The following XYLB variants were observed in gnomAD, a reference collection of about 807,000 sequenced individuals.
The protein encoded by XYLB is xylulose kinase.
Under a neutral mutation model 78.7 loss-of-function variants are expected in XYLB, and 62 were observed. That is an observed-to-expected ratio of 0.79 (90% CI 0.64 to 0.97). The LOEUF (loss-of-function observed/expected upper bound fraction) is 0.97, where lower values mean the gene tolerates loss of function less well. XYLB is among the 50% of genes least tolerant of loss of function. The probability of loss-of-function intolerance (pLI) is 0.00; values close to 1 mark genes in which losing one functional copy is unlikely to be tolerated. For missense variants in XYLB, 687 were observed against 676.8 expected (o/e 1.02, Z -0.17); for synonymous variants, 245 against 247.4 (o/e 0.99, Z 0.09).
At chr3:38,350,559 TTTC>T (rs1161297559) in intron 2 of XYLB, among the ~76,000 whole-genome samples, 2 of 152,142 alleles carry the variant, frequency 1.3e-5, no homozygotes, top group African/African-American at 4.8e-5. Flanking sequence ...CCCCTGTTGT[TTTC>T]TTCAAGTTGT....
At chr3:38,445,379 GTCATGAA>G in the XYLB span, among the ~76,000 whole-genome samples, 5 of 152,176 alleles carry the variant, frequency 3.3e-5, no homozygotes, top group African/African-American at 1.2e-4. Flanking sequence ...AGGGAACAGA[GTCATGAA>G]ATTTATACTA....
At chr3:38,381,811 A>G (rs1041951815) in intron 15 of XYLB, among the ~76,000 whole-genome samples, 1 of 152,218 alleles carries the variant, frequency 6.6e-6, no homozygotes, top group Admixed American at 6.5e-5. Flanking sequence ...ACCAATGACA[A>G]TGGTGCCCGA....
intron 7 of XYLB, among the ~76,000 whole-genome samples, 190 bp from the exon 8 acceptor site, chr3:38,367,995 C>A (rs546521054): frequency 6.6e-6 from 1 of 152,254 alleles, no homozygotes; most frequent in Non-Finnish European, 1.5e-5. Flanking sequence ...AATGCTCTCC[C>A]GAGGAGTCTG....
At chr3:38,351,189 A>G in intron 2 of XYLB, among the ~76,000 whole-genome samples, 1 of 148,796 alleles carries the variant, frequency 6.7e-6, no homozygotes, top group Non-Finnish European at 1.5e-5. Context: ...AAAAAAAAAA[A>G]AAAAAAAAAA....
At chr3:38,363,606 C>A (rs1706092102) in intron 4 of XYLB, among the ~76,000 whole-genome samples, 1 of 152,216 alleles carries the variant, frequency 6.6e-6, no homozygotes, top group South Asian at 2.1e-4. Flanking sequence ...CAGGCAGTGA[C>A]CTGGGATACG....
chr3:38,434,015 A>G, the XYLB span, among the ~76,000 whole-genome samples: 4 of 152,188 alleles, frequency 2.6e-5, no homozygotes, highest in Non-Finnish European at 5.9e-5. Context: ...ACTTACAATC[A>G]TGATAGAAGA....
chr3:38,407,186 C>T (rs196368), intron 18 of XYLB, among the ~76,000 whole-genome samples: 4,630 of 148,838 alleles, frequency 0.031, 96 homozygotes, highest in Non-Finnish European at 0.05. Context: ...GCGGATCTCT[C>T]GGCAGAAACT....
In XYLB at chr3:38,366,766, G is replaced by A. The variant is rs370070465; in HGVS notation, c.508-42G>A. The A allele has an allele frequency of 3.2e-5, 42 of 1,326,272 alleles. No homozygotes were observed. In the East Asian group the frequency reaches 5.5e-4, roughly 17 times the overall value. The allele number at this position is 1,326,272 out of a possible 1,614,324, so 82.2% of individuals were successfully genotyped here. ...CTTTGTGGAGGTAATTGTTCATTCT[G>A]TGTAGGATTTGGGTTCCTAAGAATT... On this transcript the variant is annotated intron_variant, in intron 6 of 18. Coordinates refer to ENST00000207870, the MANE Select transcript of XYLB (RefSeq NM_005108.4).
chr3:38,439,646 C>A, the XYLB span, among the ~76,000 whole-genome samples: 1 of 152,010 alleles, frequency 6.6e-6, no homozygotes, highest in African/African-American at 2.4e-5. Context: ...CCTGTAGTCC[C>A]AGCTACTCGG....
At chr3:38,354,113 G>A (rs151192686) in intron 2 of XYLB, among the ~76,000 whole-genome samples, 1 of 151,730 alleles carries the variant, frequency 6.6e-6, no homozygotes, top group East Asian at 2.0e-4. Context: ...TCGCTCTGTC[G>A]CCCAGGCTGG....
At position 38,368,210 on chromosome 3, in the gene XYLB, C is replaced by T; in HGVS notation, c.599C>T (p.Ala200Val). 6.2e-7 allele frequency: 1 copy of T among 1,614,138 alleles called. No homozygotes were observed. The highest frequency in any genetic ancestry group is 8.5e-7 in the Non-Finnish European group (1 of 1,180,008). ...AGAATTTCTTTGGTCAGTAGCTTTG[C>T]TGCTTCCCTGTTCCTTGGCTCTTAC... ...TERISLVSSFAASLFLGSYSP... is the reference protein window; with the variant it reads ...TERISLVSSFVASLFLGSYSP... The change falls in exon 8 of 19, where the codon GCT becomes GTT. Residue 200 changes from alanine (A) to valine (V), a missense_variant. By Grantham distance (64) the Ala-to-Val change is moderately conservative (BLOSUM62 0). Transcript: ENST00000207870.
At chr3:38,349,841 C>T (rs150612233) in intron 2 of XYLB, among the ~76,000 whole-genome samples, 49 of 152,204 alleles carry the variant, frequency 3.2e-4, no homozygotes, top group African/African-American at 1.1e-3. Flanking sequence ...GGTGGTCACT[C>T]GGTGCAGGAG....
downstream of XYLB, among the ~76,000 whole-genome samples, chr3:38,419,578 T>TTA (rs67869604): frequency 0.22 from 14,995 of 68,202 alleles, 3,184 homozygotes; most frequent in Admixed American, 0.29. Flanking sequence ...TTATTTTTCT[T>TTA]TATATATATA....
chr3:38,435,143 A>C, the XYLB span, among the ~76,000 whole-genome samples: 1 of 152,146 alleles, frequency 6.6e-6, no homozygotes, highest in Non-Finnish European at 1.5e-5. Flanking sequence ...GATCAAATAG[A>C]TTTTTTTAAA....
chr3:38,421,495 T>TA (rs1188955599), downstream of XYLB: 1 of 152,262 alleles, frequency 6.6e-6, no homozygotes, highest in African/African-American at 2.4e-5. Context: ...CTAGCTGACT[T>TA]ACGCAGCTTT....
intron 8 of XYLB, among the ~76,000 whole-genome samples, chr3:38,369,163 C>T (rs971139116): frequency 1.3e-5 from 2 of 152,106 alleles, no homozygotes; most frequent in Non-Finnish European, 2.9e-5. Flanking sequence ...TTTTCGAGGG[C>T]TGTTGTATGC....
intron 2 of XYLB, among the ~76,000 whole-genome samples, chr3:38,351,733 T>A (rs1392465553): frequency 6.6e-6 from 1 of 152,218 alleles, no homozygotes; most frequent in Non-Finnish European, 1.5e-5. Context: ...TATCACTAGT[T>A]TGTATTTTCT....
At chr3:38,381,858 T>A (rs1707161763) in intron 15 of XYLB, among the ~76,000 whole-genome samples, 1 of 152,230 alleles carries the variant, frequency 6.6e-6, no homozygotes, top group Non-Finnish European at 1.5e-5. Flanking sequence ...CTCGGTCCTG[T>A]GGTCCTGTGA....
chr3:38,349,562 A>ACCTTAC (rs1167438316), intron 2 of XYLB, among the ~76,000 whole-genome samples: 2 of 152,244 alleles, frequency 1.3e-5, no homozygotes, highest in South Asian at 4.2e-4. Flanking sequence ...TACAAAATTG[A>ACCTTAC]ATGTGAGATG....
Sources: allele counts gnomAD v4.1 joint callset (sites outside exome capture counted in the v4.1 genomes callset), GRCh38; gene constraint gnomAD v4.1.1; transcripts MANE v1.5; gene names NCBI Gene and HGNC (gene_info 2026-07-23, HGNC 2026-07-21).